ZNF717: variants seen among roughly 807,000 people sequenced by gnomAD.
ZNF717 encodes the protein krueppel-like factor X17.
ZNF717 carries 9 observed loss-of-function variants against 13.8 expected under a neutral mutation model. That is an observed-to-expected ratio of 0.65 (90% confidence interval 0.39 to 1.14). ZNF717 has a LOEUF of 1.14. Ranked by LOEUF, ZNF717 falls within the 50% of genes most tolerant of loss-of-function variation. The pLI is 0.01. For synonymous variants in ZNF717, 327 were observed against 364.1 expected, an observed-to-expected ratio of 0.90 and a Z score of 1.16; for missense variants, 1,040 against 1,080.7, an observed-to-expected ratio of 0.96 and a Z score of 0.53.
chr3:75,704,419 G>T lies in ZNF717; in HGVS notation n.1085+6768C>A, dbSNP rs1158368169. ...ACAATCCACACAGAATCAATCAGCT[G>T]GCAAGTGGGCCATCTTTTAGAGTCG... On this transcript the variant is annotated intron_variant and non_coding_transcript_variant, in intron 6 of 6. Coordinates refer to the ZNF717 transcript ENST00000648506. 8.5e-5 allele frequency among the ~76,000 whole-genome samples: 13 copies of T among 152,414 alleles called. No individual in the cohort carries two copies. In the East Asian group the frequency reaches 1.9e-3, roughly 23 times the overall value.
chr3:75,713,045 G>A lies in ZNF717; in HGVS notation n.668-1729C>T, dbSNP rs1420751135. Among the ~76,000 whole-genome samples, 10 of 152,074 alleles carry A rather than the reference G, an allele frequency of 6.6e-5. No homozygotes were observed. In the East Asian group the frequency reaches 1.6e-3, roughly 24 times the overall value. On this transcript the variant is annotated intron_variant and non_coding_transcript_variant, in intron 5 of 5. Coordinates refer to the ZNF717 transcript ENST00000491507. Reference sequence around the variant, plus strand: ...GAGGATTGCTGGAGCCCAAGAGTTCGAGGTTGCAGTGAGCTATGACCATGC... The same window carrying A: ...GAGGATTGCTGGAGCCCAAGAGTTCAAGGTTGCAGTGAGCTATGACCATGC...
At chr3:75,732,696 T>C (rs1426372208), downstream of ZNF717, among the ~76,000 whole-genome samples, 1 of 152,258 alleles carries the variant, frequency 6.6e-6, no homozygotes, top group African/African-American at 2.4e-5. Flanking sequence ...ATTTCTGTTG[T>C]TTACAAATTA....
chr3:75,705,915 C>T (rs1476364244), downstream of ZNF717, among the ~76,000 whole-genome samples: 1 of 152,312 alleles, frequency 6.6e-6, no homozygotes, highest in South Asian at 2.1e-4. Flanking sequence ...TTTATGTTTA[C>T]CTGCTGCATG....
intron 5 of ZNF717, chr3:75,730,669 C>T: frequency 1.4e-6 from 1 of 696,410 alleles, no homozygotes; most frequent in East Asian, 2.7e-5. Flanking sequence ...TACCTGAATC[C>T]ATCAGACCAA....
chr3:75,743,456 CG>C lies in ZNF717; in HGVS notation c.58-1721del, dbSNP rs1940731170. 9.9e-5 allele frequency among the ~76,000 whole-genome samples: 15 copies of C among 151,482 alleles called. No individual in the cohort carries two copies. In the South Asian group the frequency reaches 2.9e-3, roughly 29 times the overall value. On this transcript the variant is annotated intron_variant, in intron 2 of 4. Coordinates refer to ENST00000652011, the MANE Select transcript of ZNF717 (RefSeq NM_001290208.3). ...CTGGCATTTCAAAATTTCCTTTCTA[CG>C]GGACAAAAAATTGCTGTATCCACCC... is the stretch of plus-strand genomic sequence containing the variant.
At chr3:75,770,523 G>A (rs541181256) in intron 2 of ZNF717, among the ~76,000 whole-genome samples, 1 of 152,216 alleles carries the variant, frequency 6.6e-6, no homozygotes, top group South Asian at 2.1e-4. Flanking sequence ...TTGCACCACT[G>A]CACTCCAGCA....
downstream of ZNF717, among the ~76,000 whole-genome samples, chr3:75,726,831 A>C (rs1309674471): frequency 6.1e-5 from 9 of 147,234 alleles, no homozygotes; most frequent in South Asian, 2.1e-4. Flanking sequence ...GAATACCCCC[A>C]CAGACACCAA....
At chr3:75,750,380 A>C (rs1315943669) in intron 2 of ZNF717, among the ~76,000 whole-genome samples, 2 of 151,728 alleles carry the variant, frequency 1.3e-5, no homozygotes, top group Non-Finnish European at 2.9e-5. Flanking sequence ...AGGATTCCAG[A>C]ACTATGTTAC....
At position 75,715,796 on chromosome 3, in the gene ZNF717, G is replaced by C. The variant is rs139820167; in HGVS notation, n.667+623C>G. 3.3e-3 allele frequency among the ~76,000 whole-genome samples: 506 copies of C among 152,164 alleles called. 15 individuals carry two copies. The East Asian group carries it at 0.072, about 22-fold the overall frequency. ...ACAGAGAACTTAGAAAACTCTACAT[G>C]TTAACTCTATAATTGCAGGTTTTTC... is the stretch of plus-strand genomic sequence containing the variant. On this transcript the variant is annotated intron_variant and non_coding_transcript_variant, in intron 5 of 5. Coordinates refer to the ZNF717 transcript ENST00000491507.
intron 5 of ZNF717, among the ~76,000 whole-genome samples, chr3:75,713,772 A>C (rs3009064): frequency 0.39 from 59,225 of 151,860 alleles, 11,799 homozygotes; most frequent in South Asian, 0.6. Context: ...AAGAAAAGAC[A>C]GCTGGGCCCA....
At chr3:75,715,325 A>C (rs1938025146) in intron 5 of ZNF717, among the ~76,000 whole-genome samples, 1 of 152,208 alleles carries the variant, frequency 6.6e-6, no homozygotes, top group South Asian at 2.1e-4. Context: ...GATTTGCTTG[A>C]CTAGCAAGTC....
chr3:75,722,091 CAAAAA>C (rs3035116), intron 4 of ZNF717, among the ~76,000 whole-genome samples: 1,751 of 137,896 alleles, frequency 0.013, 39 homozygotes, highest in African/African-American at 0.042. Context: ...ACTAAAAATA[CAAAAA>C]AAAAAAAAAA....
intron 4 of ZNF717, among the ~76,000 whole-genome samples, chr3:75,724,384 G>C (rs1196101738): frequency 2.0e-5 from 3 of 151,524 alleles, no homozygotes; most frequent in Admixed American, 6.6e-5. Flanking sequence ...CCCTACAGTA[G>C]ACTACAGGCT....
At chr3:75,747,473 TG>T (rs1941286313) in intron 2 of ZNF717, among the ~76,000 whole-genome samples, 1 of 152,194 alleles carries the variant, frequency 6.6e-6, no homozygotes, top group African/African-American at 2.4e-5. Context: ...TTCACAATAT[TG>T]ATTCTTCCTA....
chr3:75,765,832 G>C (rs1440102583), intron 2 of ZNF717, among the ~76,000 whole-genome samples: 1 of 152,254 alleles, frequency 6.6e-6, no homozygotes, highest in Non-Finnish European at 1.5e-5. Context: ...ACGAAGGCCA[G>C]GCATGGTGGC....
At chr3:75,703,057 G>A (rs7340708) in intron 6 of ZNF717, among the ~76,000 whole-genome samples, 3 of 152,248 alleles carry the variant, frequency 2.0e-5, no homozygotes, top group African/African-American at 7.2e-5. Context: ...ATTTCAAAAC[G>A]AGGGGAAACA....
intron 4 of ZNF717, among the ~76,000 whole-genome samples, chr3:75,718,162 C>A (rs1158286487): frequency 6.6e-6 from 1 of 152,162 alleles, no homozygotes; most frequent in Non-Finnish European, 1.5e-5. Context: ...GACAACGGAA[C>A]TGAGGCATGC....
chr3:75,742,647 G>A (rs1162734451), intron 2 of ZNF717, among the ~76,000 whole-genome samples: 1 of 152,204 alleles, frequency 6.6e-6, no homozygotes, highest in African/African-American at 2.4e-5. Flanking sequence ...ACCATGCCTA[G>A]ATGAATGATC....
chr3:75,776,570 T>A (rs1944344525), intron 2 of ZNF717, among the ~76,000 whole-genome samples: 1 of 152,238 alleles, frequency 6.6e-6, no homozygotes, highest in Admixed American at 6.5e-5. Context: ...GATGACTGGA[T>A]CTTCTGAGAA....
Sources: allele counts gnomAD v4.1 joint callset (sites outside exome capture counted in the v4.1 genomes callset), GRCh38; gene constraint gnomAD v4.1.1; transcripts MANE v1.5; gene names NCBI Gene and HGNC (gene_info 2026-07-23, HGNC 2026-07-21).